GFRA1: variants seen among roughly 807,000 people sequenced by gnomAD.
The protein encoded by GFRA1 is GDNF family receptor alpha-1.
Under a neutral mutation model 51.6 loss-of-function variants are expected in GFRA1, and 16 were observed. The ratio of observed to expected loss-of-function variants is 0.31; its 90% CI spans 0.21 to 0.47. GFRA1 has a LOEUF of 0.47. Among genes scored for constraint, GFRA1 ranks in the 20% least tolerant of loss-of-function variants. The pLI is 1.00. For missense variants in GFRA1, 530 were observed against 594.3 expected (o/e 0.89, Z 1.13); for synonymous variants, 270 against 241.3 (o/e 1.12, Z -1.10).
chr10:116,188,412 C>G (rs1404987559), intron 5 of GFRA1, among the ~76,000 whole-genome samples: 1 of 152,124 alleles, frequency 6.6e-6, no homozygotes, highest in Non-Finnish European at 1.5e-5. Context: ...TTAGAACAGT[C>G]CAATTCTTGG....
intron 4 of GFRA1, among the ~76,000 whole-genome samples, chr10:116,256,523 C>T (rs925569838): frequency 2.0e-5 from 3 of 152,204 alleles, no homozygotes; most frequent in Admixed American, 6.5e-5. Context: ...GTAGGACACA[C>T]AGAGAGGGCT....
At chr10:116,242,971 A>T (rs1463415422) in intron 4 of GFRA1, among the ~76,000 whole-genome samples, 2 of 152,176 alleles carry the variant, frequency 1.3e-5, no homozygotes, top group Non-Finnish European at 2.9e-5. Flanking sequence ...TGTTTTCTCA[A>T]ATCAGCTAGA....
chr10:116,131,405 G>A (rs946063748), intron 5 of GFRA1, among the ~76,000 whole-genome samples: 7 of 152,084 alleles, frequency 4.6e-5, no homozygotes, highest in Non-Finnish European at 7.4e-5. Context: ...TCTACTTTTA[G>A]GTTTTTATCC....
chr10:116,130,443 A>G (rs1958059758), intron 5 of GFRA1, among the ~76,000 whole-genome samples: 1 of 152,130 alleles, frequency 6.6e-6, no homozygotes, highest in African/African-American at 2.4e-5. Context: ...AGGACACAGA[A>G]TAACTAAAGC....
intron 4 of GFRA1, among the ~76,000 whole-genome samples, chr10:116,250,048 G>A (rs971902714): frequency 2.6e-5 from 4 of 152,136 alleles, no homozygotes; most frequent in East Asian, 1.9e-4. Flanking sequence ...TCCAGATGAC[G>A]GGGGGAAGGC....
intron 6 of GFRA1, among the ~76,000 whole-genome samples, chr10:116,098,873 C>G (rs1174151239): frequency 6.6e-6 from 1 of 152,146 alleles, no homozygotes; most frequent in Non-Finnish European, 1.5e-5. Flanking sequence ...AGCATAGCCC[C>G]GATTGGGAGG....
At chr10:116,182,856 C>T (rs1962363519) in intron 5 of GFRA1, among the ~76,000 whole-genome samples, 1 of 152,306 alleles carries the variant, frequency 6.6e-6, no homozygotes, top group East Asian at 1.9e-4. Context: ...ATGACATCCC[C>T]TTCAAGTATC....
intron 7 of GFRA1, among the ~76,000 whole-genome samples, chr10:116,095,334 G>A (rs941574670): frequency 2.6e-5 from 4 of 152,232 alleles, no homozygotes; most frequent in Admixed American, 2.6e-4. Flanking sequence ...TGCAGCTAGA[G>A]TTGAGTTGGA....
chr10:116,218,788 C>T (rs1312302111), intron 4 of GFRA1, among the ~76,000 whole-genome samples: 1 of 152,198 alleles, frequency 6.6e-6, no homozygotes, highest in African/African-American at 2.4e-5. Flanking sequence ...CCAAAAATGA[C>T]AACCGCTCTT....
chr10:116,061,877 G>A lies in GFRA1; in HGVS notation c.*2521C>T, dbSNP rs1332209883. On this transcript the variant is annotated 3_prime_UTR_variant, in exon 11 of 11. Transcript: ENST00000355422. ...TCAAACTAAGATCACACTGAATGGC[G>A]GAAACCTTGCTTGGCTTGCTTTGAT... 3 of 397,380 alleles carry A rather than the reference G, an allele frequency of 7.5e-6. No homozygotes were observed. Among genetic ancestry groups the A allele is most frequent in the East Asian group, 3.6e-5 (1 of 28,068 alleles). 24.6% of individuals were successfully genotyped at this position (397,380 alleles called of 1,614,324 possible). A position where few individuals can be genotyped will look rare whatever the true frequency, so the allele number is the denominator to read the frequency against.
intron 5 of GFRA1, among the ~76,000 whole-genome samples, chr10:116,181,200 T>C (rs1251423224): frequency 6.6e-6 from 1 of 152,150 alleles, no homozygotes; most frequent in Non-Finnish European, 1.5e-5. Context: ...GTGTGGGAGG[T>C]ACTGCTATCT....
Position 116,093,819 on chromosome 10 carries a change from T to C in GFRA1, c.898A>G (p.Asn300Asp), listed in dbSNP as rs932981221. Residue 300 changes from asparagine to aspartate, a missense_variant, in exon 8 of 11, where the codon AAC becomes GAC. Physicochemically the swap from Asn to Asp is conservative, Grantham distance 23. Transcript: ENST00000355422. ...CTGAGGCTACTGGAGTCTATGTAGTTGGGGGTCATGACTGTGCCTAAAAGA... is the reference window on the plus strand; with the variant it reads ...CTGAGGCTACTGGAGTCTATGTAGTCGGGGGTCATGACTGTGCCTAAAAGA... ...SGLIGTVMTP[N>D]YIDSSSLSVA... 6.2e-7 allele frequency: 1 copy of C among 1,614,094 alleles called. No individual in the cohort carries two copies. Among genetic ancestry groups the C allele is most frequent in the Non-Finnish European group, 8.5e-7 (1 of 1,179,956 alleles).
At chr10:116,096,882 C>T in intron 6 of GFRA1, 118 bp from the exon 7 acceptor site, 2 of 298,452 alleles carry the variant, frequency 6.7e-6, no homozygotes, top group Non-Finnish European at 1.3e-5. Context: ...CACGCACACG[C>T]ACACACACAC....
chr10:116,139,399 G>A (rs1958468791), intron 5 of GFRA1, among the ~76,000 whole-genome samples: 1 of 152,160 alleles, frequency 6.6e-6, no homozygotes, highest in Non-Finnish European at 1.5e-5. Context: ...AGTAGGTTTA[G>A]GTAAAATGCA....
chr10:116,238,977 G>A (rs1036804227), intron 4 of GFRA1, among the ~76,000 whole-genome samples: 26 of 152,134 alleles, frequency 1.7e-4, no homozygotes, highest in Admixed American at 6.5e-5. Flanking sequence ...ACTGAAATAC[G>A]TGAAATAGGA....
intron 5 of GFRA1, among the ~76,000 whole-genome samples, chr10:116,175,029 C>G (rs774617422): frequency 9.9e-5 from 15 of 152,134 alleles, no homozygotes; most frequent in Non-Finnish European, 1.3e-4. Flanking sequence ...CTCCCTCTTT[C>G]GTAGGACTCA....
At chr10:116,115,024 GACA>G (rs1413625772) in intron 6 of GFRA1, among the ~76,000 whole-genome samples, 4 of 152,146 alleles carry the variant, frequency 2.6e-5, no homozygotes, top group Admixed American at 6.5e-5. Flanking sequence ...CGCTTACACT[GACA>G]ACTACTGGGG....
intron 4 of GFRA1, among the ~76,000 whole-genome samples, chr10:116,261,879 C>T (rs1969328045): frequency 6.6e-6 from 1 of 152,168 alleles, no homozygotes; most frequent in Non-Finnish European, 1.5e-5. Context: ...GCAGATGACT[C>T]TCAGGACCTG....
At chr10:116,135,738 A>C (rs1307162169) in intron 5 of GFRA1, among the ~76,000 whole-genome samples, 2 of 152,214 alleles carry the variant, frequency 1.3e-5, no homozygotes, top group Non-Finnish European at 2.9e-5. Flanking sequence ...GCAAATGGTG[A>C]TGCAAAGAGG....
Sources: allele counts gnomAD v4.1 joint callset (sites outside exome capture counted in the v4.1 genomes callset), GRCh38; gene constraint gnomAD v4.1.1; transcripts MANE v1.5; gene names NCBI Gene and HGNC (gene_info 2026-07-23, HGNC 2026-07-21).